The following PAK5 variants were observed in gnomAD, a reference collection of about 807,000 sequenced individuals.
The protein encoded by PAK5 is serine/threonine-protein kinase PAK 5.
PAK5 carries 16 observed loss-of-function variants against 65.9 expected under a neutral mutation model. The observed-to-expected ratio is 0.24, with a 90% CI of 0.16 to 0.37. PAK5 has a LOEUF of 0.37. PAK5 is among the 10% of genes least tolerant of loss of function. PAK5 has a pLI of 1.00. For synonymous variants in PAK5, 371 were observed against 354.9 expected, an observed-to-expected ratio of 1.05 and a Z score of -0.51; for missense variants, 785 against 903.9, an observed-to-expected ratio of 0.87 and a Z score of 1.69.
intron 1 of PAK5, among the ~76,000 whole-genome samples, chr20:9,751,766 T>G (rs560573634): frequency 2.0e-5 from 3 of 152,162 alleles, no homozygotes; most frequent in Admixed American, 2.0e-4. Context: ...TTAATACTTA[T>G]GATGTGTAAC....
At chr20:9,643,418 C>T (rs193051295) in intron 3 of PAK5, among the ~76,000 whole-genome samples, 3 of 152,302 alleles carry the variant, frequency 2.0e-5, no homozygotes, top group African/African-American at 7.2e-5. Flanking sequence ...TTTCTGCTTA[C>T]ATGTAATTAC....
intron 5 of PAK5, 133 bp from the exon 6 acceptor site, chr20:9,563,157 T>C: frequency 1.2e-6 from 1 of 810,558 alleles, no homozygotes; most frequent in Admixed American, 2.3e-5. Context: ...AGAAAATCTA[T>C]TACAGACAAA....
At chr20:9,782,932 T>TC (rs930812283) in intron 1 of PAK5, among the ~76,000 whole-genome samples, 3 of 150,046 alleles carry the variant, frequency 2.0e-5, no homozygotes, top group Admixed American at 6.6e-5. Context: ...TTCTTTTTTT[T>TC]TTTTCTTTTT....
chr20:9,622,721 T>C (rs1186457773), intron 3 of PAK5, among the ~76,000 whole-genome samples: 1 of 152,148 alleles, frequency 6.6e-6, no homozygotes, highest in Non-Finnish European at 1.5e-5. Flanking sequence ...GGGATCTAGG[T>C]TGTGTGCTCC....
At chr20:9,800,902 C>T (rs966163216) in intron 1 of PAK5, among the ~76,000 whole-genome samples, 1 of 116,302 alleles carries the variant, frequency 8.6e-6, no homozygotes, top group African/African-American at 3.3e-5. Context: ...AGCTAAGATG[C>T]CACAGACACC....
At chr20:9,801,573 C>T (rs1453825967) in intron 1 of PAK5, among the ~76,000 whole-genome samples, 6 of 150,896 alleles carry the variant, frequency 4.0e-5, no homozygotes. Flanking sequence ...TTTTAATAGA[C>T]TTTAATAGAC....
intron 1 of PAK5, among the ~76,000 whole-genome samples, chr20:9,776,667 G>A (rs1222315949): frequency 6.6e-6 from 1 of 152,138 alleles, no homozygotes; most frequent in African/African-American, 2.4e-5. Context: ...GCCCTATGGA[G>A]AGGCCCATGA....
In PAK5 at chr20:9,542,723, G is replaced by A. The variant is rs763677786; in HGVS notation, c.1870-3C>T. On this transcript the variant is annotated splice_region_variant and splice_polypyrimidine_tract_variant and intron_variant, in intron 8 of 9. Transcript: ENST00000353224. ...ATCCCGAGGGACCAGATGTCCACCT[G>A]TTAGGCACACCCTACTGGTTATCTC... 15 of 1,613,640 alleles carry A rather than the reference G, an allele frequency of 9.3e-6. No homozygotes were observed. Among genetic ancestry groups the A allele is most frequent in the South Asian group, 3.3e-5 (3 of 91,044 alleles).
chr20:9,620,954 AG>A (rs1569003979), intron 3 of PAK5, among the ~76,000 whole-genome samples: 1 of 27,030 alleles, frequency 3.7e-5, no homozygotes, highest in Non-Finnish European at 6.6e-5. Context: ...AGAAAGAGAG[AG>A]AGAAAGAGAG....
intron 2 of PAK5, among the ~76,000 whole-genome samples, chr20:9,680,588 C>T (rs1230174113): frequency 2.0e-5 from 3 of 152,134 alleles, no homozygotes; most frequent in Non-Finnish European, 4.4e-5. Flanking sequence ...GGGAACTGTA[C>T]CTGACACATT....
At chr20:9,804,067 G>A (rs377575376) in intron 1 of PAK5, among the ~76,000 whole-genome samples, 15 of 152,278 alleles carry the variant, frequency 9.9e-5, no homozygotes, top group African/African-American at 3.4e-4. Context: ...CAACAGTGTA[G>A]TCTGTGGATC....
At chr20:9,545,249 T>C (rs6140958) in intron 7 of PAK5, among the ~76,000 whole-genome samples, 1 of 152,100 alleles carries the variant, frequency 6.6e-6, no homozygotes, top group Non-Finnish European at 1.5e-5. Context: ...GAAATTTCTT[T>C]CCTAGAGCTC....
chr20:9,691,028 T>C (rs1569042526), intron 2 of PAK5, among the ~76,000 whole-genome samples: 1 of 152,092 alleles, frequency 6.6e-6, no homozygotes, highest in Non-Finnish European at 1.5e-5. Context: ...GTGCTGGGAT[T>C]ACAGGTGTGA....
chr20:9,552,590 A>G (rs1215103534), intron 7 of PAK5, among the ~76,000 whole-genome samples: 2 of 152,218 alleles, frequency 1.3e-5, no homozygotes, highest in East Asian at 3.8e-4. Context: ...ATAGATAATA[A>G]TTGAATGATT....
intron 3 of PAK5, among the ~76,000 whole-genome samples, chr20:9,584,989 GC>G (rs35276736): frequency 0.24 from 36,058 of 151,988 alleles, 4,846 homozygotes; most frequent in East Asian, 0.47. Flanking sequence ...GTCTTAAAGG[GC>G]CCTTCTGAAT....
chr20:9,580,628 A>G lies in PAK5; in HGVS notation c.507T>C (p.Asn169=). Residue 169 remains asparagine, a synonymous_variant, in exon 4 of 10, where the codon AAT becomes AAC. Transcript: ENST00000353224. ...YYRGSHAAKQ[N]GHVMKMKHGE... ...CGTGCTTCATTTTCATTACGTGCCC[A>G]TTTTGCTTGGCTGCGTGGCTGCCTC... The G allele has an allele frequency of 1.2e-6, 2 of 1,613,876 alleles. No homozygotes were observed. Among genetic ancestry groups the G allele is most frequent in the Admixed American group, 1.7e-5 (1 of 59,996 alleles).
chr20:9,833,849 C>A (rs1414337904), intron 1 of PAK5, among the ~76,000 whole-genome samples: 1 of 152,036 alleles, frequency 6.6e-6, no homozygotes, highest in South Asian at 2.1e-4. Context: ...TCCACAAAGA[C>A]TTTTATATAT....
rs576935803 is a variant in PAK5, at chr20:9,661,117, G to T, written c.-11-16778C>A. Reference sequence around the variant, plus strand: ...CATCAGCTGCCACTGCAGGGCTTTGGTTTTTTTTCTCTGAGTGGAATGAAA... The same window carrying T: ...CATCAGCTGCCACTGCAGGGCTTTGTTTTTTTTTCTCTGAGTGGAATGAAA... On this transcript the variant is annotated intron_variant, in intron 2 of 9. Transcript: ENST00000353224. Among the ~76,000 whole-genome samples the T allele has an allele frequency of 1.4e-3, 220 of 151,914 alleles. 1 individual carries two copies. The highest frequency in any genetic ancestry group is 3.4e-3 in the Middle Eastern group (1 of 294).
intron 3 of PAK5, among the ~76,000 whole-genome samples, chr20:9,637,092 C>T (rs934244577): frequency 1.3e-5 from 2 of 152,142 alleles, no homozygotes; most frequent in African/African-American, 4.8e-5. Flanking sequence ...CTTTGACCAC[C>T]TAGGCTCAAA....
Sources: allele counts gnomAD v4.1 joint callset (sites outside exome capture counted in the v4.1 genomes callset), GRCh38; gene constraint gnomAD v4.1.1; transcripts MANE v1.5; gene names NCBI Gene and HGNC (gene_info 2026-07-23, HGNC 2026-07-21).